OR1J2: variants seen among roughly 807,000 people sequenced by gnomAD.
The protein encoded by OR1J2 is olfactory receptor 1J2.
For missense variants in OR1J2, 304 were observed against 246.1 expected (o/e 1.24, Z -1.57); for synonymous variants, 142 against 99.7 (o/e 1.42, Z -2.52).
At chr9:122,551,023 A>T in the OR1J2 span, among the ~76,000 whole-genome samples, 1 of 149,580 alleles carries the variant, frequency 6.7e-6, no homozygotes. Context: ...AGATTCCTCC[A>T]GAAGACTCCT....
the OR1J2 span, among the ~76,000 whole-genome samples, chr9:122,474,526 T>G: frequency 2.9e-3 from 444 of 152,264 alleles, 1 homozygote; most frequent in African/African-American, 0.01. Flanking sequence ...AGAAAAATCA[T>G]TATCAAAAGA....
downstream of OR1J2, among the ~76,000 whole-genome samples, chr9:122,514,758 C>G (rs1194200182): frequency 6.6e-6 from 1 of 152,168 alleles, no homozygotes; most frequent in Non-Finnish European, 1.5e-5. Context: ...TAACACCTAA[C>G]CAGGGGAAAC....
the OR1J2 span, chr9:122,519,413 C>T: frequency 6.2e-7 from 1 of 1,614,178 alleles, no homozygotes. Context: ...AGGATCAATC[C>T]ATTCTTTATG....
chr9:122,546,576 G>A, the OR1J2 span, among the ~76,000 whole-genome samples: 3 of 151,938 alleles, frequency 2.0e-5, no homozygotes, highest in Non-Finnish European at 4.4e-5. Context: ...AAAATGCTAC[G>A]GATACAACTA....
At chr9:122,472,652 G>A in the OR1J2 span, among the ~76,000 whole-genome samples, 1 of 152,182 alleles carries the variant, frequency 6.6e-6, no homozygotes, top group Admixed American at 6.5e-5. Context: ...CAAGGCTATG[G>A]ATAAAAAGTA....
At chr9:122,550,742 A>G in the OR1J2 span, among the ~76,000 whole-genome samples, 1 of 152,122 alleles carries the variant, frequency 6.6e-6, no homozygotes, top group Non-Finnish European at 1.5e-5. Flanking sequence ...CCTAGAAGGA[A>G]TATACCTAAA....
At chr9:122,483,441 G>A in the OR1J2 span, among the ~76,000 whole-genome samples, 1 of 152,170 alleles carries the variant, frequency 6.6e-6, no homozygotes, top group Non-Finnish European at 1.5e-5. Context: ...TATGCCATAT[G>A]TGTCTACATA....
chr9:122,528,251 AAGC>A, the OR1J2 span, among the ~76,000 whole-genome samples: 1 of 152,222 alleles, frequency 6.6e-6, no homozygotes, highest in Non-Finnish European at 1.5e-5. Context: ...CAGAGGTCTC[AAGC>A]ATTGGTCTGT....
chr9:122,495,030 G>C, the OR1J2 span, among the ~76,000 whole-genome samples: 2 of 152,154 alleles, frequency 1.3e-5, no homozygotes, highest in East Asian at 3.8e-4. Context: ...CTTCTAGTTT[G>C]TAGGGTTTCT....
chr9:122,484,866 CT>C, the OR1J2 span, among the ~76,000 whole-genome samples: 84 of 143,438 alleles, frequency 5.9e-4, no homozygotes, highest in African/African-American at 2.2e-3. Flanking sequence ...GACCCTGTGT[CT>C]ACCAAAAATA....
chr9:122,544,662 G>A, the OR1J2 span, among the ~76,000 whole-genome samples: 257 of 152,024 alleles, frequency 1.7e-3, 1 homozygote, highest in African/African-American at 5.8e-3. Flanking sequence ...TCAGGGATCT[G>A]CCCTCCTCGG....
At chr9:122,480,863 C>T in the OR1J2 span, among the ~76,000 whole-genome samples, 5 of 152,072 alleles carry the variant, frequency 3.3e-5, no homozygotes, top group East Asian at 7.7e-4. Context: ...GGCACAATCC[C>T]GGCTCACTGC....
At chr9:122,540,063 G>A in the OR1J2 span, among the ~76,000 whole-genome samples, 1 of 152,042 alleles carries the variant, frequency 6.6e-6, no homozygotes. Context: ...CATTTTGTAG[G>A]TTGCCTGTTC....
the OR1J2 span, chr9:122,567,757 TGGA>T: frequency 6.2e-7 from 1 of 1,613,954 alleles, no homozygotes; most frequent in East Asian, 2.2e-5. Context: ...AAACCACAGG[TGGA>T]GAAGGCTTTG....
chr9:122,573,148 C>T, the OR1J2 span, among the ~76,000 whole-genome samples: 1 of 152,176 alleles, frequency 6.6e-6, no homozygotes, highest in African/African-American at 2.4e-5. Flanking sequence ...CTCTGTGATC[C>T]TTGTTAGGCT....
chr9:122,553,144 T>A, the OR1J2 span: 1 of 1,540,856 alleles, frequency 6.5e-7, no homozygotes, highest in East Asian at 2.3e-5. Flanking sequence ...TATCTGTAAA[T>A]TGATCTAATA....
At chr9:122,488,876 C>CT in the OR1J2 span, among the ~76,000 whole-genome samples, 4 of 144,084 alleles carry the variant, frequency 2.8e-5, no homozygotes, top group East Asian at 4.1e-4. Flanking sequence ...TTATTATACT[C>CT]TAAGTTCTGG....
chr9:122,486,800 T>G, the OR1J2 span, among the ~76,000 whole-genome samples: 1 of 152,356 alleles, frequency 6.6e-6, no homozygotes, highest in Non-Finnish European at 1.5e-5. Context: ...GATTTCAAAC[T>G]CATGCTGCTA....
At chr9:122,525,720 G>A in the OR1J2 span, among the ~76,000 whole-genome samples, 43 of 152,122 alleles carry the variant, frequency 2.8e-4, no homozygotes, top group Non-Finnish European at 5.3e-4. Context: ...CCTTCCTAGT[G>A]AAACATTAGC....
Sources: allele counts gnomAD v4.1 joint callset (sites outside exome capture counted in the v4.1 genomes callset), GRCh38; gene constraint gnomAD v4.1.1; transcripts MANE v1.5; gene names NCBI Gene and HGNC (gene_info 2026-07-23, HGNC 2026-07-21).